SMAD9: variants seen among roughly 807,000 people sequenced by gnomAD.
The protein encoded by SMAD9 is SMAD family member 9.
A neutral mutation model predicts 46.1 loss-of-function variants in SMAD9; 36 were observed. The observed-to-expected ratio is 0.78, with a 90% CI of 0.60 to 1.03. SMAD9 has a LOEUF of 1.03. SMAD9 is among the 50% of genes least tolerant of loss of function. The pLI is 0.00. For missense variants in SMAD9, 572 were observed against 599.8 expected (o/e 0.95, Z 0.48); for synonymous variants, 245 against 237.1 (o/e 1.03, Z -0.31).
chr13:36,873,103 G>A (rs1488343107), intron 2 of SMAD9, among the ~76,000 whole-genome samples, 188 bp from the exon 3 acceptor site: 1 of 152,152 alleles, frequency 6.6e-6, no homozygotes, highest in Admixed American at 6.5e-5. Flanking sequence ...CACCTAAGAA[G>A]CAAGCATGTG....
intron 5 of SMAD9, among the ~76,000 whole-genome samples, chr13:36,854,697 A>G (rs1270235933): frequency 6.6e-6 from 1 of 152,196 alleles, no homozygotes; most frequent in Non-Finnish European, 1.5e-5. Context: ...TTAAAACTGG[A>G]CACAGTTAAT....
chr13:36,876,645 A>T (rs1294077461), intron 2 of SMAD9, among the ~76,000 whole-genome samples: 1 of 152,178 alleles, frequency 6.6e-6, no homozygotes, highest in Non-Finnish European at 1.5e-5. Flanking sequence ...ATAAAAACTG[A>T]TCCCTCACCA....
chr13:36,899,305 T>C (rs1410020628), intron 1 of SMAD9, among the ~76,000 whole-genome samples: 1 of 152,186 alleles, frequency 6.6e-6, no homozygotes. Flanking sequence ...TGTTCATGGA[T>C]GTGCAAAATC....
rs1249464683 is a variant in SMAD9, at chr13:36,867,279, T to G, written c.775A>C (p.Asn259His). 1 of 1,539,414 alleles carries G rather than the reference T, an allele frequency of 6.5e-7. No homozygotes were observed. ...ADRHVVLSIP[N>H]GDFRPVCYEE... Reference sequence around the variant, plus strand: ...CTGTTCATCTGCAATTTACCTCCATTTGGTATCGATAGCACTACATGTCTA... The same window carrying G: ...CTGTTCATCTGCAATTTACCTCCATGTGGTATCGATAGCACTACATGTCTA... The change falls in exon 4 of 7, where the codon AAT becomes CAT. Residue 259 changes from asparagine (N) to histidine (H), a missense_variant. Coordinates refer to ENST00000379826, the MANE Select transcript of SMAD9 (RefSeq NM_001127217.3).
chr13:36,853,320 T>A, intron 6 of SMAD9, 99 bp downstream of exon 6: 1 of 1,157,890 alleles, frequency 8.6e-7, no homozygotes, highest in South Asian at 1.2e-5. Context: ...GTTTTGTCTA[T>A]CAGAATTGAC....
At chr13:36,882,794 AATT>A (rs1172281221) in intron 1 of SMAD9, among the ~76,000 whole-genome samples, 1 of 152,184 alleles carries the variant, frequency 6.6e-6, no homozygotes, top group African/African-American at 2.4e-5. Flanking sequence ...TTAATAGAAA[AATT>A]AATTGTAAAA....
intron 2 of SMAD9, among the ~76,000 whole-genome samples, chr13:36,875,113 G>C (rs2058334143): frequency 6.6e-6 from 1 of 151,952 alleles, no homozygotes. Flanking sequence ...AAATAGGACA[G>C]ATCTTGGTTC....
At chr13:36,902,459 CTT>C (rs933954033) in intron 1 of SMAD9, among the ~76,000 whole-genome samples, 1 of 144,998 alleles carries the variant, frequency 6.9e-6, no homozygotes, top group Admixed American at 6.9e-5. Flanking sequence ...CTTTGTTCTT[CTT>C]TTTTTTTTTT....
At chr13:36,887,833 A>G (rs1411469378) in intron 1 of SMAD9, among the ~76,000 whole-genome samples, 2 of 152,238 alleles carry the variant, frequency 1.3e-5, no homozygotes, top group African/African-American at 4.8e-5. Flanking sequence ...ATCTGGTCAC[A>G]GGATGATGAG....
chr13:36,894,986 A>G (rs1295735324), intron 1 of SMAD9, among the ~76,000 whole-genome samples: 1 of 152,046 alleles, frequency 6.6e-6, no homozygotes, highest in African/African-American at 2.4e-5. Context: ...AGTTTTCCCG[A>G]ATTGTTTGGT....
rs750738406 is a variant in SMAD9 at position 36,865,761 on chromosome 13, G to A, written c.782-3C>T. 5 of 1,612,550 alleles carry A rather than the reference G, an allele frequency of 3.1e-6. No homozygotes were observed. The African/African-American group carries it at 4.0e-5, about 13-fold the overall frequency. On this transcript the variant is annotated splice_region_variant and splice_polypyrimidine_tract_variant and intron_variant, in intron 4 of 6. Coordinates refer to ENST00000379826, the MANE Select transcript of SMAD9 (RefSeq NM_001127217.3). ...CTCGTAACAAACTGGTCGAAAGTCT[G>A]GAAGAAAACAAACCAGAGAACACAT...
At chr13:36,899,631 G>C (rs950624921) in intron 1 of SMAD9, among the ~76,000 whole-genome samples, 2 of 152,194 alleles carry the variant, frequency 1.3e-5, no homozygotes, top group African/African-American at 4.8e-5. Flanking sequence ...GAGCTGGATA[G>C]AGAGTTGGGG....
At chr13:36,874,454 C>T (rs1453012524) in intron 2 of SMAD9, among the ~76,000 whole-genome samples, 1 of 152,128 alleles carries the variant, frequency 6.6e-6, no homozygotes, top group African/African-American at 2.4e-5. Flanking sequence ...ATAATTCTTA[C>T]CCCCGAATTC....
intron 3 of SMAD9, among the ~76,000 whole-genome samples, chr13:36,868,132 T>A (rs757346265): frequency 6.6e-6 from 1 of 152,234 alleles, no homozygotes; most frequent in Non-Finnish European, 1.5e-5. Context: ...CTTTGTTGTA[T>A]CGAATTGTCC....
chr13:36,886,056 T>A (rs920204560), intron 1 of SMAD9, among the ~76,000 whole-genome samples: 2 of 152,158 alleles, frequency 1.3e-5, no homozygotes, highest in Non-Finnish European at 2.9e-5. Context: ...ATATTGACTA[T>A]CTTCATGATA....
chr13:36,853,340 G>A, intron 6 of SMAD9, 79 bp downstream of exon 6: 8 of 1,381,784 alleles, frequency 5.8e-6, no homozygotes, highest in Non-Finnish European at 7.2e-6. Flanking sequence ...CCGCACAACT[G>A]CCTGCCACAT....
In SMAD9 at chr13:36,872,922, T is replaced by C. The variant is rs901771280; in HGVS notation, c.413-7A>G. On this transcript the variant is annotated splice_region_variant and splice_polypyrimidine_tract_variant and intron_variant, in intron 2 of 6. Coordinates refer to ENST00000379826, the MANE Select transcript of SMAD9 (RefSeq NM_001127217.3). ...ACGAGCACAGGAGGCAGTACTAGGA[T>C]CAGAAAGGAACAAGGCAGTTAGAAT... 6.8e-6 allele frequency: 11 copies of C among 1,613,892 alleles called. No homozygotes were observed. In the South Asian group the frequency reaches 7.7e-5, roughly 11 times the overall value.
intron 6 of SMAD9, chr13:36,851,801 G>A (rs1271219256): frequency 1.0e-6 from 1 of 977,064 alleles, no homozygotes; most frequent in African/African-American, 1.8e-5. Context: ...GGAACAGTTT[G>A]TCTTCTGTGT....
At chr13:36,882,252 TGTGTGTGTATGTGTGTGC>T (rs1372776522) in intron 1 of SMAD9, among the ~76,000 whole-genome samples, 27 of 144,434 alleles carry the variant, frequency 1.9e-4, no homozygotes, top group African/African-American at 7.9e-4. Context: ...TGTGTGTGTG[TGTGTGTGTATGTGTGTGC>T]GGTGTATGTG....
Sources: gnomAD v4.1 joint callset for allele counts (sites outside exome capture counted in the v4.1 genomes callset) on GRCh38, gnomAD v4.1.1 for gene constraint, MANE v1.5 for transcripts, NCBI Gene and HGNC (gene_info 2026-07-23, HGNC 2026-07-21) for gene names.